Variants in SNED1 observed in about 807,000 individuals in gnomAD.
SNED1 encodes sushi, nidogen and EGF like domains 1.
In SNED1, 81 loss-of-function variants were observed where a neutral mutation model predicts 166.7. The ratio of observed to expected loss-of-function variants is 0.49; its 90% CI spans 0.41 to 0.58. SNED1 has a LOEUF of 0.58. Among genes scored for constraint, SNED1 ranks in the 20% least tolerant of loss-of-function variants. The pLI, the probability that SNED1 is intolerant of heterozygous loss-of-function variation, is 0.00. For missense variants in SNED1, 1,604 were observed against 2,000.2 expected (o/e 0.80, Z 3.78); for synonymous variants, 762 against 822.0 (o/e 0.93, Z 1.25).
chr2:241,063,534 T>C (rs1177194915), intron 17 of SNED1, 53 bp from the exon 18 acceptor site: 2 of 1,207,158 alleles, frequency 1.7e-6, no homozygotes, highest in African/African-American at 3.0e-5. Context: ...TGGGGGCATG[T>C]GGGCGCCTCA....
intron 2 of SNED1, among the ~76,000 whole-genome samples, chr2:241,031,960 G>A (rs556382120): frequency 9.6e-4 from 146 of 152,276 alleles, no homozygotes; most frequent in African/African-American, 3.3e-3. Context: ...AGGCGGGCAC[G>A]GCATAGCCCA....
At chr2:241,077,021 G>T (rs1575088808) in intron 27 of SNED1, among the ~76,000 whole-genome samples, 1 of 151,838 alleles carries the variant, frequency 6.6e-6, no homozygotes, top group East Asian at 1.9e-4. Flanking sequence ...GGAGCTTGCA[G>T]TGAGCTGAGA....
At position 241,062,777 on chromosome 2, in the gene SNED1, C is replaced by T. The variant is rs145725032; in HGVS notation, c.2258-14C>T. On this transcript the variant is annotated splice_polypyrimidine_tract_variant and intron_variant, in intron 16 of 31. Coordinates refer to ENST00000310397, the MANE Select transcript of SNED1 (RefSeq NM_001080437.3). ...GTGGCCACATTGCTTTATTCTTGGGCTCTCTCCTCTCAGAAATCGATGAGT... is the reference window on the plus strand; with the variant it reads ...GTGGCCACATTGCTTTATTCTTGGGTTCTCTCCTCTCAGAAATCGATGAGT... 753 of 1,582,496 alleles carry T rather than the reference C, an allele frequency of 4.8e-4. 9 individuals carry two copies. In the East Asian group the frequency reaches 0.015, roughly 31 times the overall value.
At chr2:241,026,009 CTTTTTTTT>C (rs71404676) in intron 1 of SNED1, among the ~76,000 whole-genome samples, 3 of 73,594 alleles carry the variant, frequency 4.1e-5, no homozygotes, top group African/African-American at 1.6e-4. Context: ...TTTTCTTTTC[CTTTTTTTT>C]TTTTTTTTTT....
intron 1 of SNED1, among the ~76,000 whole-genome samples, chr2:241,000,947 G>A (rs932901301): frequency 3.3e-5 from 5 of 152,208 alleles, no homozygotes; most frequent in Non-Finnish European, 5.9e-5. Context: ...GAGAGAAAGG[G>A]GTGCTTGGCA....
chr2:241,063,997 C>T lies in SNED1; in HGVS notation c.2486-15C>T. 6.5e-7 allele frequency: 1 copy of T among 1,541,278 alleles called. No individual in the cohort carries two copies. Among genetic ancestry groups the T allele is most frequent in the African/African-American group, 1.4e-5 (1 of 72,952 alleles). On this transcript the variant is annotated splice_polypyrimidine_tract_variant and intron_variant, in intron 18 of 31. Coordinates refer to ENST00000310397, the MANE Select transcript of SNED1 (RefSeq NM_001080437.3). ...CCCCCTTGCAGCTTGGGCCCACTCTCTGGGTGTTCTCCAGAGGTGGACGCC... is the reference window on the plus strand; with the variant it reads ...CCCCCTTGCAGCTTGGGCCCACTCTTTGGGTGTTCTCCAGAGGTGGACGCC...
At chr2:241,085,143 G>A (rs779824166) in intron 29 of SNED1, among the ~76,000 whole-genome samples, 25 of 151,272 alleles carry the variant, frequency 1.7e-4, no homozygotes, top group Non-Finnish European at 3.2e-4. Flanking sequence ...TGTATTTCTG[G>A]GTTTTAATTT....
rs557123653 is a variant in SNED1 at position 241,077,351 on chromosome 2, C to T, written c.3916+3987C>T. ...AAAACATAGGAGTAAATCTTCATGA[C>T]CTTCGATCATGAGGGTCCTTAGGCT... is the stretch of plus-strand genomic sequence containing the variant. On this transcript the variant is annotated intron_variant, in intron 27 of 31. Coordinates refer to ENST00000310397, the MANE Select transcript of SNED1 (RefSeq NM_001080437.3). Among the ~76,000 whole-genome samples, 6 of 152,274 alleles carry T rather than the reference C, an allele frequency of 3.9e-5. No homozygotes were observed. The South Asian group carries it at 1.2e-3, about 32-fold the overall frequency.
rs1235053428 is a variant in SNED1 at position 241,092,884 on chromosome 2, C to G, written c.*1248C>G. 1 of 152,298 alleles carries G rather than the reference C, an allele frequency of 6.6e-6. No individual in the cohort carries two copies. The highest frequency in any genetic ancestry group is 2.1e-4 in the South Asian group (1 of 4,830). The allele number at this position is 152,298 out of a possible 1,614,324, so 9.4% of individuals were successfully genotyped here. A position where few individuals can be genotyped will look rare whatever the true frequency, so the allele number is the denominator to read the frequency against. ...CCAAAGCAGCCACCCCACCTCCTCT[C>G]GTGTTGAGCCTCACGACCGCTGACC... On this transcript the variant is annotated 3_prime_UTR_variant, in exon 32 of 32. Transcript: ENST00000310397. The surrounding 1 kb of genome is among the most constrained non-coding windows in gnomAD (Gnocchi z 4.6).
chr2:241,076,951 C>T (rs933860494), intron 27 of SNED1, among the ~76,000 whole-genome samples: 12 of 152,060 alleles, frequency 7.9e-5, no homozygotes, highest in Non-Finnish European at 1.3e-4. Flanking sequence ...TGGTGGCGGG[C>T]GCCTGTGGTC....
intron 16 of SNED1, among the ~76,000 whole-genome samples, chr2:241,054,141 A>AG (rs34528740): frequency 0.62 from 94,000 of 151,820 alleles, 30,380 homozygotes; most frequent in African/African-American, 0.81. Flanking sequence ...TTCAAGCCCC[A>AG]GGTGAGCTCC....
intron 1 of SNED1, among the ~76,000 whole-genome samples, chr2:241,017,616 C>G (rs1178463652): frequency 2.0e-5 from 3 of 152,240 alleles, no homozygotes; most frequent in Non-Finnish European, 4.4e-5. Flanking sequence ...CCTCCTCAGC[C>G]CCACACATTC....
In SNED1 at chr2:241,073,206, C is replaced by T. The variant is rs540956311; in HGVS notation, c.3818-60C>T. On this transcript the variant is annotated intron_variant, in intron 26 of 31. Transcript: ENST00000310397. The surrounding 1 kb of genome is among the most constrained non-coding windows in gnomAD (Gnocchi z 6.6). Reference sequence around the variant, plus strand: ...TATAGAAGCACTCAAAAGGGTGGCCCCAGGACCATCCCGGGTGCAAAGCAG... The same window carrying T: ...TATAGAAGCACTCAAAAGGGTGGCCTCAGGACCATCCCGGGTGCAAAGCAG... 1.8e-4 allele frequency: 240 copies of T among 1,318,432 alleles called. No homozygotes were observed. The highest frequency in any genetic ancestry group is 2.5e-4 in the Non-Finnish European group (233 of 940,152). The allele number at this position is 1,318,432 out of a possible 1,614,324, so 81.7% of individuals were successfully genotyped here.
rs2062864735 is a variant in SNED1 at position 241,073,707 on chromosome 2, A to C, written c.3916+343A>C. ...CCCAGCCCCTGCCTCTGGGCCCCTC[A>C]CCCCTCACTTCTCCAAAGAGGAGCA... On this transcript the variant is annotated intron_variant, in intron 27 of 31. Transcript: ENST00000310397. This position sits in a 1 kb window ranked among gnomAD's most constrained non-coding sequence, Gnocchi z 6.6. The C allele has an allele frequency of 4.6e-6, 2 of 437,820 alleles. No individual in the cohort carries two copies. The highest frequency in any genetic ancestry group is 8.1e-6 in the Non-Finnish European group (2 of 247,520). The allele number at this position is 437,820 out of a possible 1,614,324, so 27.1% of individuals were successfully genotyped here.
chr2:241,030,972 T>G (rs1456983420), intron 2 of SNED1, among the ~76,000 whole-genome samples: 1 of 151,894 alleles, frequency 6.6e-6, no homozygotes, highest in Non-Finnish European at 1.5e-5. Context: ...GCTTGATGAG[T>G]TATGGTGGGC....
At position 241,052,489 on chromosome 2, in the gene SNED1, A is replaced by C. The variant is rs759832215; in HGVS notation, c.2083+21A>C. On this transcript the variant is annotated intron_variant, in intron 15 of 31. Transcript: ENST00000310397. ...GGCAGGTGAGAGGGTCAGGGGGATC[A>C]AGCAGGGTACATGGGATACCAGTGC... The C allele has an allele frequency of 1.9e-6, 3 of 1,541,698 alleles. No homozygotes were observed. In the East Asian group the frequency reaches 7.0e-5, roughly 36 times the overall value.
At position 241,087,466 on chromosome 2, in the gene SNED1, C is replaced by A. The variant is rs780746868; in HGVS notation, c.4196C>A (p.Thr1399Asn). The A allele has an allele frequency of 1.2e-6, 2 of 1,602,250 alleles. No homozygotes were observed. Among genetic ancestry groups the A allele is most frequent in the African/African-American group, 1.3e-5 (1 of 74,592 alleles). ...TGTGAAAGCACAAGCCTCAAGAAGA[C>A]CCCAAACAGGTGCCTCTGGGGAGCA... The part of the protein sequence containing the change: ...ESCESTSLKK[T>N]PNRKQSKSQT... The change falls in exon 30 of 32, where the codon ACC becomes AAC. Residue 1399 changes from threonine to asparagine, a missense_variant. Thr to Asn is a moderately conservative substitution (Grantham distance 65). Transcript: ENST00000310397.
chr2:241,039,448 G>A lies in SNED1; in HGVS notation c.1046-627G>A, dbSNP rs1033108962. On this transcript the variant is annotated intron_variant, in intron 6 of 31. Coordinates refer to ENST00000310397, the MANE Select transcript of SNED1 (RefSeq NM_001080437.3). ...GACAGGGGATGTGGTTCTCCTCTGC[G>A]TCTGGCTCTGCTGGCCAGGGCAAAG... Among the ~76,000 whole-genome samples the A allele has an allele frequency of 1.1e-4, 17 of 152,146 alleles. No homozygotes were observed. The East Asian group carries it at 1.4e-3, about 12-fold the overall frequency.
At chr2:241,071,417 G>T in intron 24 of SNED1, 159 bp from the exon 25 acceptor site, 1 of 778,898 alleles carries the variant, frequency 1.3e-6, no homozygotes, top group Non-Finnish European at 2.0e-6. Flanking sequence ...GGGCATCTGG[G>T]GAAGCCACAA....
Sources: allele counts gnomAD v4.1 joint callset (sites outside exome capture counted in the v4.1 genomes callset), GRCh38; gene constraint gnomAD v4.1.1; non-coding constraint Gnocchi (gnomAD v3.1); transcripts MANE v1.5; gene names NCBI Gene and HGNC (gene_info 2026-07-23, HGNC 2026-07-21).